Variants in DENND1A observed in about 807,000 individuals in gnomAD.
The protein encoded by DENND1A is DENN domain-containing protein 1A.
In DENND1A, 51 loss-of-function variants were observed where a neutral mutation model predicts 113.7. The ratio of observed to expected loss-of-function variants is 0.45; its 90% CI spans 0.36 to 0.57. The LOEUF is 0.57. Among genes scored for constraint, DENND1A ranks in the 20% least tolerant of loss-of-function variants. The pLI, the probability that DENND1A is intolerant of heterozygous loss-of-function variation, is 0.00. For missense variants in DENND1A, 1,258 were observed against 1,395.9 expected, an observed-to-expected ratio of 0.90 and a Z score of 1.57; for synonymous variants, 565 against 570.8, an observed-to-expected ratio of 0.99 and a Z score of 0.14.
At position 123,880,593 on chromosome 9, in the gene DENND1A, C is replaced by T. The variant is rs527828714; in HGVS notation, c.18-1572G>A. On this transcript the variant is annotated intron_variant, in intron 1 of 23. Transcript: ENST00000394215. ...ACATCAAATAAATACTTTTAATATG[C>T]CCAGCGGCATCTACTTTTCAAAATA... Among the ~76,000 whole-genome samples, 3 of 152,238 alleles carry T rather than the reference C, an allele frequency of 2.0e-5. No homozygotes were observed. In the South Asian group the frequency reaches 6.2e-4, roughly 32 times the overall value.
intron 9 of DENND1A, among the ~76,000 whole-genome samples, chr9:123,649,408 C>CT (rs1259305715): frequency 3.3e-5 from 5 of 152,038 alleles, no homozygotes; most frequent in African/African-American, 7.2e-5. Flanking sequence ...CTTGTGCAGT[C>CT]TTTGTGTTGA....
At chr9:123,440,543 T>C in intron 18 of DENND1A, 52 bp from the exon 19 acceptor site, 5 of 1,512,998 alleles carry the variant, frequency 3.3e-6, no homozygotes, top group Non-Finnish European at 4.4e-6. Flanking sequence ...GGCACCCATG[T>C]TCCCTCTCAC....
At chr9:123,612,396 T>G (rs1040359385) in intron 10 of DENND1A, among the ~76,000 whole-genome samples, 1 of 152,242 alleles carries the variant, frequency 6.6e-6, no homozygotes, top group Non-Finnish European at 1.5e-5. Flanking sequence ...TTTTTATTTT[T>G]AAAAGAAATG....
At chr9:123,857,895 TA>T (rs369021720) in intron 2 of DENND1A, among the ~76,000 whole-genome samples, 5,425 of 151,706 alleles carry the variant, frequency 0.036, 104 homozygotes, top group Middle Eastern at 0.048. Flanking sequence ...CCATCTCTAC[TA>T]AAAATACAAA....
intron 5 of DENND1A, among the ~76,000 whole-genome samples, chr9:123,698,857 T>C (rs2140564783): frequency 6.6e-6 from 1 of 152,272 alleles, no homozygotes; most frequent in Middle Eastern, 3.4e-3. Context: ...ATCAAACATA[T>C]AAAGGACTAG....
chr9:123,766,180 G>C (rs1239444614), intron 4 of DENND1A, among the ~76,000 whole-genome samples: 2 of 152,100 alleles, frequency 1.3e-5, no homozygotes, highest in Admixed American at 6.5e-5. Flanking sequence ...GGGGTGTTAG[G>C]CTCTCCCTCC....
At chr9:123,650,508 CCAGT>C (rs2062587647) in intron 9 of DENND1A, among the ~76,000 whole-genome samples, 1 of 152,090 alleles carries the variant, frequency 6.6e-6, no homozygotes, top group African/African-American at 2.4e-5. Flanking sequence ...CATTCTACTC[CCAGT>C]CAATTTCTGT....
intron 11 of DENND1A, among the ~76,000 whole-genome samples, chr9:123,594,043 G>A (rs1267922927): frequency 3.3e-5 from 5 of 152,118 alleles, no homozygotes; most frequent in Non-Finnish European, 5.9e-5. Flanking sequence ...GGCCTCCCCA[G>A]CCATGCTTCC....
chr9:123,847,533 A>C (rs1842787950), intron 2 of DENND1A, among the ~76,000 whole-genome samples: 1 of 152,222 alleles, frequency 6.6e-6, no homozygotes. Context: ...TAGAATAAGG[A>C]CATCTTCAGA....
chr9:123,915,470 T>A (rs1854913809), intron 1 of DENND1A, among the ~76,000 whole-genome samples: 1 of 152,120 alleles, frequency 6.6e-6, no homozygotes, highest in African/African-American at 2.4e-5. Context: ...GCTAGGATAA[T>A]ACCCTTCCCC....
intron 18 of DENND1A, among the ~76,000 whole-genome samples, chr9:123,449,710 G>GGA (rs1316340625): frequency 1.3e-5 from 2 of 152,146 alleles, no homozygotes; most frequent in Non-Finnish European, 2.9e-5. Context: ...GGATGGGATT[G>GGA]GAGACTCTTA....
chr9:123,382,132 G>A lies in DENND1A; in HGVS notation c.2513C>T (p.Thr838Met), dbSNP rs537978057. 15 of 1,590,514 alleles carry A rather than the reference G, an allele frequency of 9.4e-6. No individual in the cohort carries two copies. Among genetic ancestry groups the A allele is most frequent in the Non-Finnish European group, 1.2e-5 (14 of 1,168,786 alleles). Residue 838 changes from threonine (T) to methionine (M), a missense_variant, in exon 24 of 24, where the codon ACG (threonine) becomes ATG (methionine). Coordinates refer to ENST00000394215, the MANE Select transcript of DENND1A (RefSeq NM_001352964.2). The part of the protein sequence containing the change: ...PLSPGPGAAG[T>M]SSDALLALLD... ...GAGGGCGAGCAGGGCGTCACTGCTCGTGCCTGCAGCCCCGGGGCCAGGGCT... is the reference window on the plus strand; with the variant it reads ...GAGGGCGAGCAGGGCGTCACTGCTCATGCCTGCAGCCCCGGGGCCAGGGCT...
chr9:123,578,073 T>G (rs2058713216), intron 12 of DENND1A, among the ~76,000 whole-genome samples: 1 of 152,216 alleles, frequency 6.6e-6, no homozygotes, highest in Non-Finnish European at 1.5e-5. Flanking sequence ...AGATTAGTCT[T>G]CAGCAGGTTT....
In DENND1A at chr9:123,381,320, T is replaced by G; in HGVS notation, c.*112A>C. On this transcript the variant is annotated 3_prime_UTR_variant, in exon 24 of 24. Coordinates refer to ENST00000394215, the MANE Select transcript of DENND1A (RefSeq NM_001352964.2). The surrounding 1 kb of genome is among the most constrained non-coding windows in gnomAD (Gnocchi z 4.7). The stretch of plus-strand genomic sequence containing the variant: ...GAGGGGGCAGCAGAGAGGGGTCCCA[T>G]CCCTTCCCACCAGCAGAACCTGGGC... The G allele has an allele frequency of 9.2e-7, 1 of 1,081,086 alleles. No homozygotes were observed. Among genetic ancestry groups the G allele is most frequent in the Non-Finnish European group, 1.3e-6 (1 of 743,574 alleles). 67.0% of individuals were successfully genotyped at this position (1,081,086 alleles called of 1,614,324 possible).
chr9:123,916,244 C>T (rs1041605121), intron 1 of DENND1A, among the ~76,000 whole-genome samples: 3 of 151,982 alleles, frequency 2.0e-5, no homozygotes, highest in African/African-American at 7.2e-5. Flanking sequence ...CTGTATTTTT[C>T]CAGGAGAGAC....
At chr9:123,395,468 C>CTCTCTGTG (rs367751848) in intron 21 of DENND1A, among the ~76,000 whole-genome samples, 25 of 142,982 alleles carry the variant, frequency 1.7e-4, no homozygotes, top group South Asian at 6.8e-4. Flanking sequence ...CTCTCTCTCT[C>CTCTCTGTG]TGTGTGTGTG....
intron 2 of DENND1A, among the ~76,000 whole-genome samples, chr9:123,850,302 C>A (rs555823161): frequency 6.6e-6 from 1 of 152,108 alleles, no homozygotes; most frequent in African/African-American, 2.4e-5. Flanking sequence ...CCTGACCAGC[C>A]GGTAGCCATC....
chr9:123,525,194 C>T (rs1370132054), intron 13 of DENND1A, among the ~76,000 whole-genome samples: 1 of 152,222 alleles, frequency 6.6e-6, no homozygotes, highest in Admixed American at 6.5e-5. Context: ...CTTCTAAGCA[C>T]ACCTTCTATT....
intron 11 of DENND1A, among the ~76,000 whole-genome samples, chr9:123,608,146 AG>A (rs1040422328): frequency 6.6e-6 from 1 of 152,174 alleles, no homozygotes; most frequent in African/African-American, 2.4e-5. Flanking sequence ...GGTGATGACA[AG>A]GAGGAACTGT....
Sources: gnomAD v4.1 joint callset for allele counts (sites outside exome capture counted in the v4.1 genomes callset) on GRCh38, gnomAD v4.1.1 for gene constraint, Gnocchi (gnomAD v3.1) non-coding constraint, MANE v1.5 for transcripts, NCBI Gene and HGNC (gene_info 2026-07-23, HGNC 2026-07-21) for gene names.